The following HPSE2 variants were observed in gnomAD, a reference collection of about 807,000 sequenced individuals.
HPSE2 encodes heparanase 2 (inactive).
A neutral mutation model predicts 60.5 loss-of-function variants in HPSE2; 38 were observed. The ratio of observed to expected loss-of-function variants is 0.63; its 90% CI spans 0.48 to 0.82. The LOEUF (loss-of-function observed/expected upper bound fraction) is 0.82, where lower values mean the gene tolerates loss of function less well. Among genes scored for constraint, HPSE2 ranks in the 40% least tolerant of loss-of-function variants. HPSE2 has a pLI of 0.00. For synonymous variants in HPSE2, 295 were observed against 293.2 expected, an observed-to-expected ratio of 1.01 and a Z score of -0.06; for missense variants, 713 against 740.4, an observed-to-expected ratio of 0.96 and a Z score of 0.43.
At chr10:98,610,264 G>A (rs543353453) in intron 9 of HPSE2, among the ~76,000 whole-genome samples, 5 of 152,226 alleles carry the variant, frequency 3.3e-5, no homozygotes, top group Non-Finnish European at 5.9e-5. Flanking sequence ...GTGCATACTC[G>A]GCATTGTCTC....
In HPSE2 at chr10:98,459,583, G is replaced by T; in HGVS notation, c.1770C>A (p.Arg590=). ...TGAGTGTGAGGATAGCTTATCGGTA[G>T]CGGCAGGCCAAAGCATTGACATTCT... ...VVKNVNALAC[R]YR is the part of the protein sequence containing the mutation. The change falls in exon 12 of 12, where the codon CGC becomes CGA. Residue 590 remains arginine, a synonymous_variant. Transcript: ENST00000370552. 6.2e-7 allele frequency: 1 copy of T among 1,614,134 alleles called. No individual in the cohort carries two copies.
intron 3 of HPSE2, among the ~76,000 whole-genome samples, chr10:98,907,768 T>G (rs1486197887): frequency 6.6e-6 from 1 of 152,186 alleles, no homozygotes; most frequent in Non-Finnish European, 1.5e-5. Flanking sequence ...ACACTACTCC[T>G]GCTTTCCAGG....
intron 3 of HPSE2, among the ~76,000 whole-genome samples, chr10:98,874,869 A>G (rs779550463): frequency 3.3e-5 from 5 of 152,068 alleles, no homozygotes; most frequent in Admixed American, 2.0e-4. Flanking sequence ...TAAGATAATC[A>G]TGTCGTTTTT....
At chr10:98,682,601 G>C (rs1198881786) in intron 6 of HPSE2, among the ~76,000 whole-genome samples, 1 of 152,112 alleles carries the variant, frequency 6.6e-6, no homozygotes, top group African/African-American at 2.4e-5. Flanking sequence ...CATAGTGAGA[G>C]GATATCATAC....
At chr10:98,790,977 G>C (rs976727803) in intron 3 of HPSE2, among the ~76,000 whole-genome samples, 12 of 152,136 alleles carry the variant, frequency 7.9e-5, no homozygotes, top group Non-Finnish European at 1.8e-4. Context: ...ATATTTGCAG[G>C]GGTGATGAGG....
At chr10:99,196,914 T>G (rs754547543) in intron 2 of HPSE2, among the ~76,000 whole-genome samples, 12 of 152,178 alleles carry the variant, frequency 7.9e-5, no homozygotes, top group Non-Finnish European at 1.5e-4. Context: ...AAGAGGTATC[T>G]GCACTCTTGT....
intron 4 of HPSE2, among the ~76,000 whole-genome samples, chr10:98,724,545 T>G (rs11189777): frequency 6.6e-6 from 1 of 152,212 alleles, no homozygotes; most frequent in Non-Finnish European, 1.5e-5. Context: ...TTCGTTGATC[T>G]GTCTAATGTT....
the HPSE2 span, among the ~76,000 whole-genome samples, chr10:99,285,494 G>GGGAGGGAA: frequency 0.036 from 4,465 of 124,878 alleles, 161 homozygotes; most frequent in East Asian, 0.068. Flanking sequence ...GAGGGAGGGA[G>GGGAGGGAA]GGAGGGAAAG....
chr10:98,724,486 T>A (rs1949016496), intron 4 of HPSE2, among the ~76,000 whole-genome samples: 1 of 152,190 alleles, frequency 6.6e-6, no homozygotes, highest in African/African-American at 2.4e-5. Context: ...TAGGTCCACT[T>A]GGTGCAGAGC....
chr10:99,023,782 T>C (rs574522102), intron 3 of HPSE2, among the ~76,000 whole-genome samples: 48 of 152,120 alleles, frequency 3.2e-4, no homozygotes, highest in Non-Finnish European at 6.2e-4. Context: ...ACAGTGTTAC[T>C]GGGTTTGGGG....
intron 3 of HPSE2, among the ~76,000 whole-genome samples, chr10:98,971,819 A>C (rs1372235625): frequency 1.3e-5 from 2 of 152,156 alleles, no homozygotes; most frequent in African/African-American, 4.8e-5. Context: ...CATAAGTGAA[A>C]TTTCAAATTC....
At chr10:98,870,262 T>A (rs73330098) in intron 3 of HPSE2, among the ~76,000 whole-genome samples, 2,908 of 152,270 alleles carry the variant, frequency 0.019, 103 homozygotes, top group East Asian at 0.15. Flanking sequence ...TATAATTTAA[T>A]TGGCAACCAA....
intron 3 of HPSE2, among the ~76,000 whole-genome samples, chr10:99,075,392 A>G (rs1224687231): frequency 6.6e-6 from 1 of 152,184 alleles, no homozygotes; most frequent in Non-Finnish European, 1.5e-5. Context: ...CAGAAAAGAT[A>G]CTTGGTATGA....
intron 3 of HPSE2, among the ~76,000 whole-genome samples, chr10:99,082,445 G>A (rs186138567): frequency 1.1e-3 from 164 of 152,272 alleles, no homozygotes; most frequent in Non-Finnish European, 2.1e-3. Flanking sequence ...GCTTCTGAAC[G>A]TTGGACAATC....
chr10:98,862,754 A>G (rs1269017352), intron 3 of HPSE2, among the ~76,000 whole-genome samples: 1 of 152,072 alleles, frequency 6.6e-6, no homozygotes, highest in Non-Finnish European at 1.5e-5. Flanking sequence ...GGTGAAAACA[A>G]TGCTGTTGTT....
chr10:99,088,866 AT>A (rs961150379), intron 3 of HPSE2, among the ~76,000 whole-genome samples: 4 of 151,136 alleles, frequency 2.6e-5, no homozygotes, highest in South Asian at 4.2e-4. Flanking sequence ...ACCAACATCT[AT>A]TTTTTTTTAT....
chr10:99,272,912 C>T, the HPSE2 span, among the ~76,000 whole-genome samples: 36 of 152,290 alleles, frequency 2.4e-4, no homozygotes, highest in African/African-American at 7.2e-4. Flanking sequence ...CCAGCAATCC[C>T]CCTACTGGGT....
intron 2 of HPSE2, among the ~76,000 whole-genome samples, chr10:99,176,643 T>C (rs190515885): frequency 2.6e-5 from 4 of 151,762 alleles, no homozygotes; most frequent in Admixed American, 1.3e-4. Context: ...AAACCTAAGT[T>C]TGATTGGTGT....
At chr10:98,742,518 G>A (rs762598071) in intron 4 of HPSE2, among the ~76,000 whole-genome samples, 3 of 152,084 alleles carry the variant, frequency 2.0e-5, no homozygotes, top group East Asian at 1.9e-4. Context: ...TGGTTTGTTC[G>A]ATTCAATTGT....
Sources: allele counts gnomAD v4.1 joint callset (sites outside exome capture counted in the v4.1 genomes callset), GRCh38; gene constraint gnomAD v4.1.1; transcripts MANE v1.5; gene names NCBI Gene and HGNC (gene_info 2026-07-23, HGNC 2026-07-21).